The following ENTREP2 variants were observed in gnomAD, a reference collection of about 807,000 sequenced individuals.
ENTREP2 encodes the protein protein ENTREP2.
chr15:29,650,325 G>A, the ENTREP2 span, among the ~76,000 whole-genome samples: 1 of 152,180 alleles, frequency 6.6e-6, no homozygotes, highest in East Asian at 1.9e-4. Context: ...ACACGCGGTG[G>A]CTCACACCTG....
At chr15:29,652,855 G>A in the ENTREP2 span, among the ~76,000 whole-genome samples, 1 of 152,170 alleles carries the variant, frequency 6.6e-6, no homozygotes, top group African/African-American at 2.4e-5. Context: ...GATCCAGGCC[G>A]GTAGCATGAG....
the ENTREP2 span, among the ~76,000 whole-genome samples, chr15:29,615,452 C>T: frequency 6.6e-6 from 1 of 152,090 alleles, no homozygotes. Context: ...CAACGCCTGG[C>T]CCCCTCTCAC....
chr15:29,463,123 C>T, the ENTREP2 span, among the ~76,000 whole-genome samples: 4 of 152,012 alleles, frequency 2.6e-5, no homozygotes, highest in Admixed American at 6.6e-5. Flanking sequence ...GGGGGAGTGA[C>T]GAGGCTCAGG....
At chr15:29,245,507 G>T in the ENTREP2 span, among the ~76,000 whole-genome samples, 1 of 151,722 alleles carries the variant, frequency 6.6e-6, no homozygotes, top group African/African-American at 2.4e-5. Flanking sequence ...CCCACACAAA[G>T]AATGCCATTC....
At chr15:29,663,431 C>T in the ENTREP2 span, among the ~76,000 whole-genome samples, 1 of 152,118 alleles carries the variant, frequency 6.6e-6, no homozygotes, top group Non-Finnish European at 1.5e-5. Context: ...TATTGCAGCA[C>T]TATTCACAAT....
chr15:29,171,287 G>A, the ENTREP2 span, among the ~76,000 whole-genome samples: 14 of 152,210 alleles, frequency 9.2e-5, no homozygotes, highest in Middle Eastern at 3.4e-3. Context: ...TAAACCATCC[G>A]AAACACCATT....
At chr15:29,577,229 A>G in the ENTREP2 span, among the ~76,000 whole-genome samples, 7 of 152,034 alleles carry the variant, frequency 4.6e-5, no homozygotes, top group African/African-American at 1.7e-4. Flanking sequence ...ACTGTGGAAA[A>G]TGGCATGGTG....
the ENTREP2 span, among the ~76,000 whole-genome samples, chr15:29,652,171 G>A: frequency 6.6e-6 from 1 of 152,192 alleles, no homozygotes; most frequent in Admixed American, 6.5e-5. Flanking sequence ...CCTGCAGAGA[G>A]GAGAAACACA....
chr15:29,669,395 G>A, the ENTREP2 span, among the ~76,000 whole-genome samples: 12 of 152,160 alleles, frequency 7.9e-5, no homozygotes, highest in East Asian at 1.2e-3. Flanking sequence ...CAGCCCCCTC[G>A]CCATGTGATG....
chr15:29,315,650 G>T, the ENTREP2 span, among the ~76,000 whole-genome samples: 1 of 152,146 alleles, frequency 6.6e-6, no homozygotes, highest in East Asian at 1.9e-4. Flanking sequence ...TCTCTAACCG[G>T]AAAGTTGAGA....
chr15:29,248,588 C>T, the ENTREP2 span, among the ~76,000 whole-genome samples: 1 of 151,874 alleles, frequency 6.6e-6, no homozygotes, highest in African/African-American at 2.4e-5. Flanking sequence ...GAATATATGA[C>T]ATAATTACAC....
chr15:29,272,744 C>T, the ENTREP2 span, among the ~76,000 whole-genome samples: 1 of 152,114 alleles, frequency 6.6e-6, no homozygotes, highest in South Asian at 2.1e-4. Context: ...TGCATATGCG[C>T]AATTGCACTT....
At chr15:29,146,417 G>A in the ENTREP2 span, among the ~76,000 whole-genome samples, 76 of 152,328 alleles carry the variant, frequency 5.0e-4, no homozygotes, top group African/African-American at 1.6e-3. Flanking sequence ...TGAGGCTACA[G>A]CAATCGAAAC....
chr15:29,622,499 C>A, the ENTREP2 span, among the ~76,000 whole-genome samples: 8 of 152,152 alleles, frequency 5.3e-5, no homozygotes, highest in Non-Finnish European at 8.8e-5. Context: ...TGAGCCACCA[C>A]GCCCAGCCAA....
At chr15:29,192,511 A>G in the ENTREP2 span, among the ~76,000 whole-genome samples, 2 of 152,202 alleles carry the variant, frequency 1.3e-5, no homozygotes, top group Non-Finnish European at 1.5e-5. Context: ...AGCTGAGGTC[A>G]CAGGACAGCA....
At chr15:29,444,855 G>A in the ENTREP2 span, among the ~76,000 whole-genome samples, 1 of 152,184 alleles carries the variant, frequency 6.6e-6, no homozygotes, top group African/African-American at 2.4e-5. Flanking sequence ...TCCCTGGAGG[G>A]GGGCACTGGC....
chr15:29,136,279 G>A, the ENTREP2 span: 1,277 of 1,366,074 alleles, frequency 9.3e-4, 11 homozygotes, highest in South Asian at 9.6e-3. Context: ...GACCTGGCGC[G>A]GTGTGAGGTG....
chr15:29,312,049 G>A, the ENTREP2 span, among the ~76,000 whole-genome samples: 1 of 152,160 alleles, frequency 6.6e-6, no homozygotes, highest in South Asian at 2.1e-4. Flanking sequence ...ATAAAGTCAT[G>A]CCTAACAAGA....
chr15:29,246,254 G>A, the ENTREP2 span, among the ~76,000 whole-genome samples: 1 of 151,610 alleles, frequency 6.6e-6, no homozygotes, highest in Non-Finnish European at 1.5e-5. Flanking sequence ...AGCTGGTTGT[G>A]GTGGCACATG....
Sources: gnomAD v4.1 joint callset for allele counts (sites outside exome capture counted in the v4.1 genomes callset) on GRCh38, gnomAD v4.1.1 for gene constraint, MANE v1.5 for transcripts, NCBI Gene and HGNC (gene_info 2026-07-23, HGNC 2026-07-21) for gene names.